The following SLC24A1 variants were observed in gnomAD, a reference collection of about 807,000 sequenced individuals.
SLC24A1 encodes the protein sodium/potassium/calcium exchanger 1.
In SLC24A1, 52 loss-of-function variants were observed where a neutral mutation model predicts 88.1. That is an observed-to-expected ratio of 0.59 (90% CI 0.47 to 0.74). The LOEUF is 0.74. Ranked by LOEUF, SLC24A1 falls within the 30% of genes least tolerant of loss-of-function variation. The probability of loss-of-function intolerance (pLI) is 0.00; values close to 1 mark genes in which losing one functional copy is unlikely to be tolerated. For synonymous variants in SLC24A1, 455 were observed against 498.0 expected, an observed-to-expected ratio of 0.91 and a Z score of 1.15; for missense variants, 1,173 against 1,363.3, an observed-to-expected ratio of 0.86 and a Z score of 2.20.
chr15:65,635,446 CAAAAAAAAAAAAA>C (rs56960432), intron 2 of SLC24A1, among the ~76,000 whole-genome samples: 17 of 58,358 alleles, frequency 2.9e-4, no homozygotes, highest in Admixed American at 7.9e-4. Flanking sequence ...ACTCCGTCTC[CAAAAAAAAAAAAA>C]AAAAAAAAAA....
chr15:65,658,492 G>A (rs149964840), downstream of SLC24A1: 1 of 152,262 alleles, frequency 6.6e-6, no homozygotes, highest in African/African-American at 2.4e-5. Flanking sequence ...AAACAAATAG[G>A]TATTTTCATA....
intron 2 of SLC24A1, among the ~76,000 whole-genome samples, chr15:65,634,740 C>CAAAAAAAAAAAAAAAAAAGAAA (rs2074852079): frequency 4.4e-5 from 4 of 90,532 alleles, no homozygotes; most frequent in Admixed American, 1.2e-4. Flanking sequence ...TCAAAAGCAC[C>CAAAAAAAAAAAAAAAAAAGAAA]AAAAAAAAAA....
intron 7 of SLC24A1, 42 bp from the exon 8 acceptor site, chr15:65,651,628 C>G: frequency 9.5e-7 from 1 of 1,051,216 alleles, no homozygotes; most frequent in Non-Finnish European, 1.5e-6. Context: ...GACCTTTTAA[C>G]CTCTACAGCT....
rs2141457799 is a variant in SLC24A1 at position 65,624,340 on chromosome 15, G to A, written c.260G>A (p.Gly87Glu). Residue 87 changes from glycine to glutamate, a missense_variant, in exon 2 of 10, where the codon GGG becomes GAG. Physicochemically the swap from Gly to Glu is moderately conservative, Grantham distance 98 (BLOSUM62 -2). Coordinates refer to ENST00000261892, the MANE Select transcript of SLC24A1 (RefSeq NM_004727.3). ...CCTTCAAAACCTAGCTCCGAAATGG[G>A]GGGTAAGATGCTGGTACCCCAAGCC... ...SSPSKPSSEMGGKMLVPQASV... is the reference protein window; with the variant it reads ...SSPSKPSSEMEGKMLVPQASV... The A allele has an allele frequency of 6.2e-7, 1 of 1,613,654 alleles. No homozygotes were observed. The highest frequency in any genetic ancestry group is 1.1e-5 in the South Asian group (1 of 91,006).
intron 6 of SLC24A1, among the ~76,000 whole-genome samples, chr15:65,649,801 A>T (rs953536655): frequency 6.6e-6 from 1 of 152,234 alleles, no homozygotes; most frequent in Non-Finnish European, 1.5e-5. Context: ...CATTGTGACC[A>T]CCAAAGGATG....
At chr15:65,645,774 C>T (rs1381964979) in intron 6 of SLC24A1, 71 bp downstream of exon 6, 5 of 1,016,834 alleles carry the variant, frequency 4.9e-6, no homozygotes, top group East Asian at 5.2e-5. Flanking sequence ...AAAAATACAT[C>T]CTCCCTGAAG....
In SLC24A1 at chr15:65,655,443, T is replaced by G; in HGVS notation, c.*1364T>G. On this transcript the variant is annotated 3_prime_UTR_variant, in exon 10 of 10. Coordinates refer to ENST00000261892, the MANE Select transcript of SLC24A1 (RefSeq NM_004727.3). ...AGTACTACTTCCAAGGTAGCTAGTG[T>G]AAAGGACACTTGAGTTTTTAAAACT... is the stretch of plus-strand genomic sequence containing the variant. The G allele has an allele frequency of 3.0e-6, 3 of 985,398 alleles. No homozygotes were observed. Among genetic ancestry groups the G allele is most frequent in the Non-Finnish European group, 3.6e-6 (3 of 829,872 alleles). The allele number at this position is 985,398 out of a possible 1,614,324, so 61.0% of individuals were successfully genotyped here. A position where few individuals can be genotyped will look rare whatever the true frequency, so the allele number is the denominator to read the frequency against.
chr15:65,623,261 T>A (rs1318541986), intron 1 of SLC24A1, among the ~76,000 whole-genome samples: 1 of 152,142 alleles, frequency 6.6e-6, no homozygotes, highest in East Asian at 1.9e-4. Context: ...ATAAACAATA[T>A]ATATGTTATC....
chr15:65,655,143 T>A lies in SLC24A1; in HGVS notation c.*1064T>A. The A allele has an allele frequency of 1.0e-6, 1 of 993,030 alleles. No individual in the cohort carries two copies. The highest frequency in any genetic ancestry group is 1.7e-5 in the African/African-American group (1 of 57,408). 61.5% of individuals were successfully genotyped at this position (993,030 alleles called of 1,614,324 possible). ...TGAGGGATTAGACATTCTAATGGAATGTCCTGGCTCCACCCTCCAGCATGT... is the reference window on the plus strand; with the variant it reads ...TGAGGGATTAGACATTCTAATGGAAAGTCCTGGCTCCACCCTCCAGCATGT... On this transcript the variant is annotated 3_prime_UTR_variant, in exon 10 of 10. Coordinates refer to ENST00000261892, the MANE Select transcript of SLC24A1 (RefSeq NM_004727.3).
intron 2 of SLC24A1, among the ~76,000 whole-genome samples, chr15:65,613,216 C>T (rs998900528): frequency 2.6e-5 from 4 of 152,100 alleles, no homozygotes; most frequent in Admixed American, 6.5e-5. Context: ...TTATTTTTTC[C>T]TGCCTTGAAA....
chr15:65,619,906 T>A (rs1660708332), upstream of SLC24A1, among the ~76,000 whole-genome samples: 1 of 152,070 alleles, frequency 6.6e-6, no homozygotes. Context: ...GCAAATTAGA[T>A]CAGCTTCCTC....
chr15:65,611,375 T>G (rs2073945159), upstream of SLC24A1: 1 of 601,876 alleles, frequency 1.7e-6, no homozygotes, highest in Admixed American at 2.9e-5. Context: ...CTCTCGAGCC[T>G]TGGCTGGGTT....
At chr15:65,619,698 C>G (rs1018682129), upstream of SLC24A1, among the ~76,000 whole-genome samples, 1 of 152,130 alleles carries the variant, frequency 6.6e-6, no homozygotes, top group East Asian at 1.9e-4. Context: ...CTCGTTCCCT[C>G]TTCTTTCTGT....
intron 4 of SLC24A1, 96 bp from the exon 5 acceptor site, chr15:65,644,331 G>A: frequency 1.2e-6 from 1 of 832,526 alleles, no homozygotes; most frequent in Non-Finnish European, 2.0e-6. Context: ...CTCTGCAGCT[G>A]CCCTCTGGCT....
rs2075651014 is a variant in SLC24A1, at chr15:65,655,495, G to T, written c.*1416G>T. 3 of 985,336 alleles carry T rather than the reference G, an allele frequency of 3.0e-6. No homozygotes were observed. The highest frequency in any genetic ancestry group is 4.7e-5 in the South Asian group (1 of 21,286). The allele number at this position is 985,336 out of a possible 1,614,324, so 61.0% of individuals were successfully genotyped here. A position where few individuals can be genotyped will look rare whatever the true frequency, so the allele number is the denominator to read the frequency against. ...TGGTTAAATGTTTTATGTGGAATTT[G>T]ATGAGTTTGTATATTAAATACCACT... On this transcript the variant is annotated 3_prime_UTR_variant, in exon 10 of 10. Transcript: ENST00000261892.
intron 2 of SLC24A1, among the ~76,000 whole-genome samples, chr15:65,612,843 C>T (rs1197793924): frequency 6.6e-5 from 10 of 152,194 alleles, no homozygotes; most frequent in Non-Finnish European, 1.5e-5. Context: ...ATGATCAAAT[C>T]TTGTGACCTA....
intron 1 of SLC24A1, chr15:65,612,371 T>C (rs1290479760): frequency 1.3e-5 from 2 of 152,334 alleles, no homozygotes; most frequent in Non-Finnish European, 2.9e-5. Flanking sequence ...GATTAGGAGA[T>C]GGGACGAGGA....
chr15:65,650,781 C>CAGGAGGAAGAGGAGGAGGAGG lies in SLC24A1; in HGVS notation c.2650_2670dup (p.Glu884_Glu890dup), dbSNP rs2075473375. 11 of 1,608,208 alleles carry CAGGAGGAAGAGGAGGAGGAGG rather than the reference C, an allele frequency of 6.8e-6. No individual in the cohort carries two copies. The highest frequency in any genetic ancestry group is 2.2e-5 in the East Asian group (1 of 44,718). ...GGAGGAAGAGGAGGAGGAGGAAGAG[C>CAGGAGGAAGAGGAGGAGGAGG]AGGAGGAAGAGGAGGAGGAGGAGGA... On this transcript the variant is annotated inframe_insertion, in exon 7 of 10. Coordinates refer to ENST00000261892, the MANE Select transcript of SLC24A1 (RefSeq NM_004727.3). The surrounding 1 kb of genome is among the most constrained non-coding windows in gnomAD (Gnocchi z 4.1).
chr15:65,647,498 A>G (rs77563698), intron 6 of SLC24A1, among the ~76,000 whole-genome samples: 31 of 147,168 alleles, frequency 2.1e-4, no homozygotes, highest in Admixed American at 9.5e-4. Context: ...AAAAAAAAAA[A>G]AGAGAGAGAC....
Sources: allele counts gnomAD v4.1 joint callset (sites outside exome capture counted in the v4.1 genomes callset), GRCh38; gene constraint gnomAD v4.1.1; non-coding constraint Gnocchi (gnomAD v3.1); transcripts MANE v1.5; gene names NCBI Gene and HGNC (gene_info 2026-07-23, HGNC 2026-07-21).